The following ULK4 variants were observed in gnomAD, a reference collection of about 807,000 sequenced individuals.
The protein encoded by ULK4 is inactive serine/threonine-protein kinase ULK4.
A neutral mutation model predicts 160.6 loss-of-function variants in ULK4; 133 were observed. The observed-to-expected ratio is 0.83, with a 90% CI of 0.72 to 0.96. The LOEUF (loss-of-function observed/expected upper bound fraction) is 0.96, where lower values mean the gene tolerates loss of function less well. Ranked by LOEUF, ULK4 falls within the 40% of genes least tolerant of loss-of-function variation. The pLI is 0.00. For synonymous variants in ULK4, 534 were observed against 539.8 expected, an observed-to-expected ratio of 0.99 and a Z score of 0.15; for missense variants, 1,580 against 1,499.5, an observed-to-expected ratio of 1.05 and a Z score of -0.89.
intron 17 of ULK4, among the ~76,000 whole-genome samples, chr3:41,856,171 T>C (rs191949255): frequency 6.6e-6 from 1 of 152,280 alleles, no homozygotes; most frequent in East Asian, 1.9e-4. Flanking sequence ...AATGTTTCAC[T>C]TCATTCCACA....
intron 21 of ULK4, among the ~76,000 whole-genome samples, chr3:41,783,226 C>A (rs761890325): frequency 2.0e-5 from 3 of 151,968 alleles, no homozygotes; most frequent in Non-Finnish European, 4.4e-5. Flanking sequence ...TCTGAATTTT[C>A]TTTTTTTATT....
intron 14 of ULK4, among the ~76,000 whole-genome samples, chr3:41,897,365 A>G (rs957750014): frequency 4.6e-5 from 7 of 152,226 alleles, no homozygotes; most frequent in African/African-American, 1.7e-4. Flanking sequence ...ATATTGAGAA[A>G]AGCACAAATC....
intron 35 of ULK4, among the ~76,000 whole-genome samples, chr3:41,346,272 T>A (rs1026269733): frequency 2.6e-5 from 4 of 152,144 alleles, no homozygotes; most frequent in African/African-American, 9.7e-5. Flanking sequence ...TGTCTTTTCT[T>A]CTCACCTCTT....
intron 21 of ULK4, among the ~76,000 whole-genome samples, chr3:41,781,125 C>G (rs1440530280): frequency 1.3e-5 from 2 of 151,976 alleles, no homozygotes; most frequent in Non-Finnish European, 2.9e-5. Context: ...AGAGGAGAGA[C>G]AGACAGAAGA....
At chr3:41,380,307 G>A (rs541720434) in intron 35 of ULK4, among the ~76,000 whole-genome samples, 1 of 152,286 alleles carries the variant, frequency 6.6e-6, no homozygotes, top group South Asian at 2.1e-4. Flanking sequence ...TTATGATGGG[G>A]CTGGAAAGGT....
intron 21 of ULK4, among the ~76,000 whole-genome samples, chr3:41,787,778 T>C (rs1048174505): frequency 6.6e-6 from 1 of 152,184 alleles, no homozygotes; most frequent in Non-Finnish European, 1.5e-5. Flanking sequence ...TAATCAAAAG[T>C]AAAAGACTGT....
chr3:41,258,859 G>C (rs1165169566), intron 35 of ULK4, among the ~76,000 whole-genome samples: 1 of 151,574 alleles, frequency 6.6e-6, no homozygotes, highest in South Asian at 2.1e-4. Flanking sequence ...TTCAAAACAT[G>C]GGGTCTTTAA....
intron 20 of ULK4, among the ~76,000 whole-genome samples, chr3:41,791,893 A>G (rs1038153581): frequency 1.4e-4 from 21 of 152,204 alleles, no homozygotes; most frequent in African/African-American, 4.8e-4. Context: ...TTCTACAAAC[A>G]CCTACAGAAT....
At chr3:41,595,982 G>A (rs2125653150) in intron 31 of ULK4, among the ~76,000 whole-genome samples, 1 of 152,284 alleles carries the variant, frequency 6.6e-6, no homozygotes, top group Admixed American at 6.5e-5. Flanking sequence ...TAAAAAGAGA[G>A]TCAGAGAAAT....
intron 17 of ULK4, among the ~76,000 whole-genome samples, chr3:41,866,351 T>A (rs1696879007): frequency 6.6e-6 from 1 of 152,220 alleles, no homozygotes; most frequent in Non-Finnish European, 1.5e-5. Flanking sequence ...CCCAACCTTT[T>A]TGGAACTGGA....
intron 34 of ULK4, among the ~76,000 whole-genome samples, chr3:41,452,122 T>TA (rs1475999264): frequency 1.8e-4 from 28 of 152,284 alleles, no homozygotes; most frequent in African/African-American, 6.3e-4. Context: ...CATACTGCCG[T>TA]ATTTAATAGA....
At chr3:41,252,424 A>G (rs1445046645) in intron 35 of ULK4, among the ~76,000 whole-genome samples, 12 of 152,168 alleles carry the variant, frequency 7.9e-5, no homozygotes, top group African/African-American at 2.9e-4. Context: ...ATCAGTAAAA[A>G]AGGAGAATAT....
chr3:41,691,688 C>G (rs2036305880), intron 27 of ULK4, among the ~76,000 whole-genome samples: 1 of 151,680 alleles, frequency 6.6e-6, no homozygotes, highest in African/African-American at 2.4e-5. Flanking sequence ...GTCTTAGGAC[C>G]TGAGAAATTT....
chr3:41,372,302 A>G (rs893776615), intron 35 of ULK4, among the ~76,000 whole-genome samples: 1 of 152,186 alleles, frequency 6.6e-6, no homozygotes, highest in Non-Finnish European at 1.5e-5. Context: ...GAACACCACA[A>G]AGATACTCCT....
chr3:41,258,761 C>T (rs1008874754), intron 35 of ULK4, among the ~76,000 whole-genome samples: 11 of 152,120 alleles, frequency 7.2e-5, no homozygotes, highest in Non-Finnish European at 1.2e-4. Context: ...GCTAAGACAT[C>T]TGCCTGGTAG....
chr3:41,289,938 C>T (rs189242905), intron 35 of ULK4, among the ~76,000 whole-genome samples: 13 of 152,160 alleles, frequency 8.5e-5, no homozygotes, highest in East Asian at 5.8e-4. Context: ...CACAATGGCA[C>T]GATCTCGGTT....
At chr3:41,440,743 C>T (rs184669947) in intron 34 of ULK4, among the ~76,000 whole-genome samples, 2 of 152,100 alleles carry the variant, frequency 1.3e-5, no homozygotes, top group Non-Finnish European at 2.9e-5. Context: ...TGAAATATTT[C>T]ACTGAATTTA....
chr3:41,440,307 C>A (rs2083134039), intron 34 of ULK4, among the ~76,000 whole-genome samples: 1 of 152,106 alleles, frequency 6.6e-6, no homozygotes, highest in African/African-American at 2.4e-5. Context: ...AAGGCTTCCA[C>A]CATTAAGTAT....
chr3:41,786,322 C>A (rs2039996460), intron 21 of ULK4, among the ~76,000 whole-genome samples: 1 of 152,108 alleles, frequency 6.6e-6, no homozygotes, highest in Admixed American at 6.5e-5. Flanking sequence ...ACATTCAGGG[C>A]CAGGAATGGT....
Sources: allele counts gnomAD v4.1 joint callset (sites outside exome capture counted in the v4.1 genomes callset), GRCh38; gene constraint gnomAD v4.1.1; transcripts MANE v1.5; gene names NCBI Gene and HGNC (gene_info 2026-07-23, HGNC 2026-07-21).